MAD2L2: variants seen among roughly 807,000 people sequenced by gnomAD.
MAD2L2 encodes mitotic spindle assembly checkpoint protein MAD2B.
MAD2L2 carries 17 observed loss-of-function variants against 30.5 expected under a neutral mutation model. That is an observed-to-expected ratio of 0.56 (90% CI 0.38 to 0.84). MAD2L2 has a LOEUF of 0.84. MAD2L2 is among the 40% of genes least tolerant of loss of function. The pLI is 0.00. For synonymous variants in MAD2L2, 101 were observed against 113.9 expected, an observed-to-expected ratio of 0.89 and a Z score of 0.72; for missense variants, 213 against 277.4, an observed-to-expected ratio of 0.77 and a Z score of 1.65.
upstream of MAD2L2, among the ~76,000 whole-genome samples, chr1:11,683,067 G>A (rs746218): frequency 0.16 from 24,640 of 152,156 alleles, 2,316 homozygotes; most frequent in South Asian, 0.21. Flanking sequence ...GTGACAGGCA[G>A]TGGCAGTCAT....
Position 11,674,607 on chromosome 1 carries a change from G to A in MAD2L2, c.*168C>T, listed in dbSNP as rs1046551322. On this transcript the variant is annotated 3_prime_UTR_variant, in exon 9 of 9. Transcript: ENST00000376692. This position sits in a 1 kb window ranked among gnomAD's most constrained non-coding sequence, Gnocchi z 6.1. ...TTGCGGCATCCCTCACTGCCCTCCT[G>A]GGGGAGGCATCCTCCAAGCAGACCT... 3.1e-6 allele frequency: 2 copies of A among 653,936 alleles called. No homozygotes were observed. Among genetic ancestry groups the A allele is most frequent in the Non-Finnish European group, 5.3e-6 (2 of 376,910 alleles). The allele number at this position is 653,936 out of a possible 1,614,324, so 40.5% of individuals were successfully genotyped here.
chr1:11,680,701 G>T, intron 1 of MAD2L2, 88 bp from the exon 2 acceptor site: 1 of 1,483,980 alleles, frequency 6.7e-7, no homozygotes, highest in Non-Finnish European at 8.9e-7. Context: ...CCTCCCCACA[G>T]TCTGTGGGAA....
chr1:11,677,894 C>T (rs1220600897), intron 3 of MAD2L2, among the ~76,000 whole-genome samples: 1 of 151,524 alleles, frequency 6.6e-6, no homozygotes, highest in African/African-American at 2.4e-5. Flanking sequence ...CCCATCTCTA[C>T]TAAAAATACA....
At position 11,677,620 on chromosome 1, in the gene MAD2L2, C is replaced by T. The variant is rs1289621100; in HGVS notation, c.160-6G>A. Reference sequence around the variant, plus strand: ...AGCTCCGGGTGGCAGGACATCTGCACACAATACCATGCGGCTCGTGAGGCC... The same window carrying T: ...AGCTCCGGGTGGCAGGACATCTGCATACAATACCATGCGGCTCGTGAGGCC... On this transcript the variant is annotated splice_region_variant and splice_polypyrimidine_tract_variant and intron_variant, in intron 3 of 8. Coordinates refer to ENST00000376692, the MANE Select transcript of MAD2L2 (RefSeq NM_006341.4). 1 of 1,612,028 alleles carries T rather than the reference C, an allele frequency of 6.2e-7. No individual in the cohort carries two copies. The highest frequency in any genetic ancestry group is 2.2e-5 in the East Asian group (1 of 44,866).
upstream of MAD2L2, among the ~76,000 whole-genome samples, chr1:11,685,720 G>A (rs1181002413): frequency 1.3e-5 from 2 of 152,000 alleles, no homozygotes; most frequent in Admixed American, 6.6e-5. Context: ...TTTTTGGGAG[G>A]CCAAGGTGGA....
intron 1 of MAD2L2, among the ~76,000 whole-genome samples, chr1:11,689,453 G>A (rs937303462): frequency 6.6e-6 from 1 of 152,066 alleles, no homozygotes; most frequent in East Asian, 1.9e-4. Context: ...CAAAGTTAGC[G>A]GGCATGGTGG....
chr1:11,679,948 C>T (rs113962793), intron 3 of MAD2L2, among the ~76,000 whole-genome samples: 1 of 150,468 alleles, frequency 6.6e-6, no homozygotes, highest in African/African-American at 2.4e-5. Context: ...TGGGCAGGGC[C>T]CTGCGGAATG....
chr1:11,679,075 A>G (rs1014637605), intron 3 of MAD2L2, among the ~76,000 whole-genome samples: 11 of 152,186 alleles, frequency 7.2e-5, no homozygotes, highest in Non-Finnish European at 1.6e-4. Context: ...GAGGCAGGAG[A>G]ATCACTTGAA....
At chr1:11,675,197 G>T in intron 7 of MAD2L2, 23 bp from the exon 8 acceptor site, 10 of 1,531,728 alleles carry the variant, frequency 6.5e-6, no homozygotes, top group Non-Finnish European at 8.9e-6. Context: ...CAAAGGTCAG[G>T]GGGGTGACGG....
At chr1:11,682,537 G>A (rs1640895267), upstream of MAD2L2, among the ~76,000 whole-genome samples, 1 of 146,582 alleles carries the variant, frequency 6.8e-6, no homozygotes, top group Admixed American at 7.3e-5. Context: ...ATTAAGCTAG[G>A]AATGTCAGCA....
In MAD2L2 at chr1:11,677,429, C is replaced by A. The variant is rs908102833; in HGVS notation, c.231+114G>T. 7 of 1,017,042 alleles carry A rather than the reference C, an allele frequency of 6.9e-6. No homozygotes were observed. The Admixed American group carries it at 7.5e-5, about 11-fold the overall frequency. 63.0% of individuals were successfully genotyped at this position (1,017,042 alleles called of 1,614,324 possible). On this transcript the variant is annotated intron_variant, in intron 4 of 8. Transcript: ENST00000376692. ...GGGAACAGGCTTCTGGGTATTGGAG[C>A]CATGAAGACCCCACAGAGTCCTAGC...
intron 7 of MAD2L2, 70 bp from the exon 8 acceptor site, chr1:11,675,244 C>A: frequency 1.8e-6 from 2 of 1,087,172 alleles, no homozygotes; most frequent in Non-Finnish European, 2.7e-6. Flanking sequence ...TGCTGTCCCT[C>A]CCACTCCAGA....
chr1:11,684,213 C>G (rs890549397), upstream of MAD2L2, among the ~76,000 whole-genome samples: 3 of 152,090 alleles, frequency 2.0e-5, no homozygotes, highest in African/African-American at 7.2e-5. Flanking sequence ...TGGGCCCATC[C>G]GGGGAGCTCT....
At chr1:11,691,378 G>C (rs2100724958) in intron 1 of MAD2L2, 1 of 151,170 alleles carries the variant, frequency 6.6e-6, no homozygotes, top group East Asian at 2.0e-4. Context: ...CCCGTCCCAC[G>C]CGCCCTGGGC....
chr1:11,682,544 A>C (rs985252225), upstream of MAD2L2, among the ~76,000 whole-genome samples: 1 of 150,214 alleles, frequency 6.7e-6, no homozygotes, highest in African/African-American at 2.5e-5. Context: ...TAGGAATGTC[A>C]GCAAAACATT....
In MAD2L2 at chr1:11,674,822, G is replaced by C. The variant is rs780068171; in HGVS notation, c.595-6C>G. ...TCTTCCACGTAAAGCTGCATCTGAC[G>C]GACACAAGCAAACAGCCACAGTCAG... On this transcript the variant is annotated splice_polypyrimidine_tract_variant and splice_region_variant and intron_variant, in intron 8 of 8. Transcript: ENST00000376692. This position sits in a 1 kb window ranked among gnomAD's most constrained non-coding sequence, Gnocchi z 6.1. The C allele has an allele frequency of 6.2e-7, 1 of 1,613,640 alleles. No individual in the cohort carries two copies. Among genetic ancestry groups the C allele is most frequent in the Non-Finnish European group, 8.5e-7 (1 of 1,179,970 alleles).
At chr1:11,684,001 G>A (rs996243138), upstream of MAD2L2, among the ~76,000 whole-genome samples, 1 of 152,080 alleles carries the variant, frequency 6.6e-6, no homozygotes, top group African/African-American at 2.4e-5. Flanking sequence ...TGGGTTTGGG[G>A]CCTTGGGTTC....
At chr1:11,689,204 T>G (rs1206262121) in intron 1 of MAD2L2, among the ~76,000 whole-genome samples, 5 of 139,460 alleles carry the variant, frequency 3.6e-5, no homozygotes, top group Admixed American at 7.7e-5. Context: ...GGCTGAGGCA[T>G]GAATCGCTTG....
At chr1:11,685,845 AG>A (rs1215609195), upstream of MAD2L2, among the ~76,000 whole-genome samples, 1 of 152,046 alleles carries the variant, frequency 6.6e-6, no homozygotes, top group Non-Finnish European at 1.5e-5. Context: ...CCAGCTACTT[AG>A]GGGGCTGAGG....
Sources: gnomAD v4.1 joint callset for allele counts (sites outside exome capture counted in the v4.1 genomes callset) on GRCh38, gnomAD v4.1.1 for gene constraint, Gnocchi (gnomAD v3.1) non-coding constraint, MANE v1.5 for transcripts, NCBI Gene and HGNC (gene_info 2026-07-23, HGNC 2026-07-21) for gene names.